Variants in ERI3 observed in about 807,000 individuals in gnomAD.
ERI3 encodes ERI1 exoribonuclease 3.
A neutral mutation model predicts 44.4 loss-of-function variants in ERI3; 18 were observed. That is an observed-to-expected ratio of 0.41 (90% CI 0.28 to 0.60). The LOEUF is 0.60. Among genes scored for constraint, ERI3 ranks in the 20% least tolerant of loss-of-function variants. ERI3 has a pLI of 0.36. For missense variants in ERI3, 294 were observed against 435.5 expected (o/e 0.68, Z 2.89); for synonymous variants, 183 against 164.8 (o/e 1.11, Z -0.84).
chr1:44,310,060 C>G (rs1645920711), intron 5 of ERI3, among the ~76,000 whole-genome samples: 1 of 152,100 alleles, frequency 6.6e-6, no homozygotes, highest in African/African-American at 2.4e-5. Flanking sequence ...CAGAGTTGTT[C>G]TGAGAATTAA....
chr1:44,352,262 C>T (rs1646907041), intron 2 of ERI3, among the ~76,000 whole-genome samples: 2 of 152,122 alleles, frequency 1.3e-5, no homozygotes. Context: ...AACCAAGATC[C>T]CAAAGGCCTT....
chr1:44,263,335 C>T (rs979695816), intron 7 of ERI3, among the ~76,000 whole-genome samples: 5 of 152,184 alleles, frequency 3.3e-5, no homozygotes, highest in Non-Finnish European at 5.9e-5. Context: ...ACTGTCCTCC[C>T]TAAAATAAGC....
intron 6 of ERI3, among the ~76,000 whole-genome samples, chr1:44,299,321 T>C (rs1645675829): frequency 6.6e-6 from 1 of 152,116 alleles, no homozygotes; most frequent in Non-Finnish European, 1.5e-5. Flanking sequence ...TAGCTAGGAT[T>C]ATAGGCATGT....
At chr1:44,352,725 C>T (rs1356130245) in intron 2 of ERI3, 125 bp downstream of exon 2, 3 of 968,150 alleles carry the variant, frequency 3.1e-6, no homozygotes, top group East Asian at 2.5e-5. Context: ...AAATATGATT[C>T]GTTTAGACTT....
intron 6 of ERI3, among the ~76,000 whole-genome samples, chr1:44,294,473 T>C (rs111695817): frequency 8.5e-5 from 13 of 152,244 alleles, no homozygotes; most frequent in African/African-American, 2.6e-4. Flanking sequence ...GTGCCACAAA[T>C]AGTCCTTAAA....
Position 44,221,141 on chromosome 1 carries a change from G to A in ERI3, c.*417C>T. 3.6e-6 allele frequency: 1 copy of A among 274,394 alleles called. No individual in the cohort carries two copies. Among genetic ancestry groups the A allele is most frequent in the Non-Finnish European group, 7.0e-6 (1 of 142,434 alleles). The allele number at this position is 274,394 out of a possible 1,614,324, so 17.0% of individuals were successfully genotyped here. On this transcript the variant is annotated 3_prime_UTR_variant, in exon 9 of 9. Coordinates refer to ENST00000372257, the MANE Select transcript of ERI3 (RefSeq NM_024066.3). This position sits in a 1 kb window ranked among gnomAD's most constrained non-coding sequence, Gnocchi z 5.9. ...GTGGCACGTTCACAGCGGGGATGGG[G>A]GTAGACACAAGGTGGGGCCTGATCT...
Position 44,221,189 on chromosome 1 carries a change from A to G in ERI3, c.*369T>C. 1 of 319,166 alleles carries G rather than the reference A, an allele frequency of 3.1e-6. No individual in the cohort carries two copies. 19.8% of individuals were successfully genotyped at this position (319,166 alleles called of 1,614,324 possible). A position where few individuals can be genotyped will look rare whatever the true frequency, so the allele number is the denominator to read the frequency against. On this transcript the variant is annotated 3_prime_UTR_variant, in exon 9 of 9. Transcript: ENST00000372257. The surrounding 1 kb of genome is among the most constrained non-coding windows in gnomAD (Gnocchi z 5.9). ...TCTGTCCTGGAGCCCTGGGGGCACC[A>G]CACACCATGCACTATGGATGGGAGG...
Position 44,221,750 on chromosome 1 carries a change from G to T in ERI3, c.932-110C>A. ...AGCAGGGTCAGATTCAGGAGACACA[G>T]GCTTTAGAGAGGGTGGTCCCATCCC... On this transcript the variant is annotated intron_variant, in intron 8 of 8. Transcript: ENST00000372257. This position sits in a 1 kb window ranked among gnomAD's most constrained non-coding sequence, Gnocchi z 5.9. 2 of 846,920 alleles carry T rather than the reference G, an allele frequency of 2.4e-6. No individual in the cohort carries two copies. Among genetic ancestry groups the T allele is most frequent in the South Asian group, 1.5e-5 (1 of 66,352 alleles). The allele number at this position is 846,920 out of a possible 1,614,324, so 52.5% of individuals were successfully genotyped here. A position where few individuals can be genotyped will look rare whatever the true frequency, so the allele number is the denominator to read the frequency against.
intron 1 of ERI3, chr1:44,354,609 T>TG: frequency 1.0e-6 from 1 of 985,396 alleles, no homozygotes. Context: ...AAGGGAATGT[T>TG]CTACCCACAA....
chr1:44,268,685 G>A (rs1018932681), intron 7 of ERI3, among the ~76,000 whole-genome samples: 6 of 152,100 alleles, frequency 3.9e-5, no homozygotes, highest in African/African-American at 7.2e-5. Context: ...GAGCCAGCAC[G>A]GTCACATATG....
chr1:44,232,433 G>A (rs1644207143), intron 8 of ERI3, among the ~76,000 whole-genome samples: 1 of 152,198 alleles, frequency 6.6e-6, no homozygotes, highest in Admixed American at 6.5e-5. Context: ...AAAACAGAGA[G>A]GGAAGAAATA....
chr1:44,273,376 G>A (rs1423822301), intron 7 of ERI3, among the ~76,000 whole-genome samples: 1 of 152,196 alleles, frequency 6.6e-6, no homozygotes, highest in Non-Finnish European at 1.5e-5. Context: ...AGAGCACACT[G>A]ACCTGGGTTC....
At chr1:44,239,770 C>A (rs1026596894) in intron 8 of ERI3, among the ~76,000 whole-genome samples, 3 of 151,306 alleles carry the variant, frequency 2.0e-5, no homozygotes, top group Non-Finnish European at 4.4e-5. Context: ...TGTCTTTGGG[C>A]AGAAGAAAGG....
intron 3 of ERI3, among the ~76,000 whole-genome samples, chr1:44,331,893 G>C (rs1646437404): frequency 6.6e-6 from 1 of 152,134 alleles, no homozygotes; most frequent in Non-Finnish European, 1.5e-5. Context: ...ACTGTGAGCA[G>C]GGTTGATCAT....
intron 6 of ERI3, among the ~76,000 whole-genome samples, chr1:44,304,543 C>T (rs1645794662): frequency 6.6e-6 from 1 of 152,178 alleles, no homozygotes; most frequent in African/African-American, 2.4e-5. Context: ...CCGCAGCAAG[C>T]ACGTCACTAG....
chr1:44,248,888 T>A (rs529531405), intron 7 of ERI3, among the ~76,000 whole-genome samples: 1 of 152,022 alleles, frequency 6.6e-6, no homozygotes, highest in South Asian at 2.1e-4. Flanking sequence ...CCCCCCTCCA[T>A]CCCCTTCCCT....
chr1:44,321,845 G>A (rs1387325198), intron 3 of ERI3, among the ~76,000 whole-genome samples: 1 of 152,186 alleles, frequency 6.6e-6, no homozygotes, highest in Non-Finnish European at 1.5e-5. Flanking sequence ...GAGCAGCAGT[G>A]TTTGGAGACC....
At position 44,261,768 on chromosome 1, in the gene ERI3, G is replaced by A. The variant is rs925135097; in HGVS notation, c.832-13730C>T. On this transcript the variant is annotated intron_variant, in intron 7 of 8. Coordinates refer to ENST00000372257, the MANE Select transcript of ERI3 (RefSeq NM_024066.3). ...CTTTAGGTCAAATTCCAGTGAAAATGAGTCTCCTGGCTTTCCCATCTACTC... is the reference window on the plus strand; with the variant it reads ...CTTTAGGTCAAATTCCAGTGAAAATAAGTCTCCTGGCTTTCCCATCTACTC... Among the ~76,000 whole-genome samples, 159 of 152,328 alleles carry A rather than the reference G, an allele frequency of 1.0e-3. 1 individual carries two copies. The highest frequency in any genetic ancestry group is 4.1e-4 in the South Asian group (2 of 4,822).
intron 8 of ERI3, chr1:44,243,957 G>A (rs576906258): frequency 6.6e-6 from 1 of 152,304 alleles, no homozygotes; most frequent in East Asian, 1.9e-4. Context: ...CTGGCTATGT[G>A]ACCTTAGGCA....
Sources: allele counts gnomAD v4.1 joint callset (sites outside exome capture counted in the v4.1 genomes callset), GRCh38; gene constraint gnomAD v4.1.1; non-coding constraint Gnocchi (gnomAD v3.1); transcripts MANE v1.5; gene names NCBI Gene and HGNC (gene_info 2026-07-23, HGNC 2026-07-21).